The following ADARB2 variants were observed in gnomAD, a reference collection of about 807,000 sequenced individuals.
ADARB2 encodes the protein inactive double-stranded RNA-specific editase B2.
In ADARB2, 25 loss-of-function variants were observed where a neutral mutation model predicts 62.2. The ratio of observed to expected loss-of-function variants is 0.40; its 90% CI spans 0.29 to 0.56. The LOEUF (loss-of-function observed/expected upper bound fraction) is 0.56, where lower values mean the gene tolerates loss of function less well. Ranked by LOEUF, ADARB2 falls within the 20% of genes least tolerant of loss-of-function variation. The probability of loss-of-function intolerance (pLI) is 0.43; values close to 1 mark genes in which losing one functional copy is unlikely to be tolerated. For synonymous variants in ADARB2, 572 were observed against 500.8 expected (o/e 1.14, Z -1.90); for missense variants, 1,071 against 1,077.4 (o/e 0.99, Z 0.08).
chr10:1,541,256 G>T (rs1264677144), intron 1 of ADARB2, among the ~76,000 whole-genome samples: 3 of 28,992 alleles, frequency 1.0e-4, no homozygotes, highest in Admixed American at 3.9e-4. Flanking sequence ...CCACTCAGAC[G>T]CAGTTCAGAC....
chr10:1,242,377 C>T, intron 4 of ADARB2, 78 bp from the exon 5 acceptor site: 2 of 1,450,532 alleles, frequency 1.4e-6, no homozygotes, highest in Non-Finnish European at 1.8e-6. Flanking sequence ...CAGGGTCTCA[C>T]AACAGCGGTT....
In ADARB2 at chr10:1,218,767, G is replaced by A. The variant is rs1181914457; in HGVS notation, c.1514-1648C>T. On this transcript the variant is annotated intron_variant, in intron 6 of 9. Coordinates refer to ENST00000381312, the MANE Select transcript of ADARB2 (RefSeq NM_018702.4). ...CATTTAAAAGTGTGTGGCATCAGCCGGGCACGGTGGCTCACGCCTGTAATC... is the reference window on the plus strand; with the variant it reads ...CATTTAAAAGTGTGTGGCATCAGCCAGGCACGGTGGCTCACGCCTGTAATC... Among the ~76,000 whole-genome samples, 6 of 152,132 alleles carry A rather than the reference G, an allele frequency of 3.9e-5. No homozygotes were observed. In the East Asian group the frequency reaches 7.7e-4, roughly 20 times the overall value.
At chr10:1,676,174 T>A in intron 1 of ADARB2, 1 of 398,410 alleles carries the variant, frequency 2.5e-6, no homozygotes, top group Non-Finnish European at 3.4e-6. Context: ...AGTTAATCGG[T>A]AGTTGGGAAA....
At chr10:1,364,324 GCCC>G (rs142776111) in intron 2 of ADARB2, among the ~76,000 whole-genome samples, 1 of 152,056 alleles carries the variant, frequency 6.6e-6, no homozygotes. Context: ...GGTGCCCAAT[GCCC>G]CCCCAATACT....
At position 1,603,102 on chromosome 10, in the gene ADARB2, CACACACACCTAT is replaced by C. The variant is rs1265393284; in HGVS notation, c.100+133937_100+133948del. The stretch of plus-strand genomic sequence containing the variant: ...ACCTGTACACACATACACACATCAA[CACACACACCTAT>C]ACACACACACCTATACACACATAAA... On this transcript the variant is annotated intron_variant, in intron 1 of 9. Coordinates refer to ENST00000381312, the MANE Select transcript of ADARB2 (RefSeq NM_018702.4). Among the ~76,000 whole-genome samples, 419 of 148,646 alleles carry C rather than the reference CACACACACCTAT, an allele frequency of 2.8e-3. 2 individuals are homozygous for C. The highest frequency in any genetic ancestry group is 9.8e-3 in the African/African-American group (385 of 39,252).
At chr10:1,263,633 A>T (rs921486870) in intron 4 of ADARB2, among the ~76,000 whole-genome samples, 4 of 152,218 alleles carry the variant, frequency 2.6e-5, no homozygotes, top group Non-Finnish European at 5.9e-5. Flanking sequence ...CTAGACCTTG[A>T]GAGTGTAGCA....
At chr10:1,525,254 C>G (rs1459465644) in intron 1 of ADARB2, among the ~76,000 whole-genome samples, 2 of 152,118 alleles carry the variant, frequency 1.3e-5, no homozygotes, top group Non-Finnish European at 2.9e-5. Flanking sequence ...TGAGGTTACA[C>G]AAAGATTTCT....
chr10:1,717,660 C>A lies in ADARB2; in HGVS notation c.100+19391G>T, dbSNP rs181022574. 7.2e-5 allele frequency among the ~76,000 whole-genome samples: 11 copies of A among 152,030 alleles called. No individual in the cohort carries two copies. In the East Asian group the frequency reaches 2.1e-3, roughly 29 times the overall value. On this transcript the variant is annotated intron_variant, in intron 1 of 9. Coordinates refer to ENST00000381312, the MANE Select transcript of ADARB2 (RefSeq NM_018702.4). ...TGGCATGATCTCAGCCCACTGCAAC[C>A]TCCTCCTCCCGGGTTCAGGAGATTC...
intron 1 of ADARB2, among the ~76,000 whole-genome samples, chr10:1,639,520 T>C (rs1833953222): frequency 6.6e-6 from 1 of 152,168 alleles, no homozygotes; most frequent in Non-Finnish European, 1.5e-5. Flanking sequence ...TAAGAAAGCT[T>C]TGGGCTCCAA....
At chr10:1,603,363 G>C (rs1833454255) in intron 1 of ADARB2, among the ~76,000 whole-genome samples, 1 of 152,206 alleles carries the variant, frequency 6.6e-6, no homozygotes, top group African/African-American at 2.4e-5. Flanking sequence ...CCCGACCCTG[G>C]TAGTCGCTCC....
At chr10:1,643,309 C>T (rs1392549015) in intron 1 of ADARB2, among the ~76,000 whole-genome samples, 3 of 152,202 alleles carry the variant, frequency 2.0e-5, no homozygotes, top group Non-Finnish European at 1.5e-5. Context: ...TACAAAGTCT[C>T]TGCACCTATA....
intron 6 of ADARB2, among the ~76,000 whole-genome samples, chr10:1,222,443 G>C (rs781345990): frequency 6.7e-6 from 1 of 149,504 alleles, no homozygotes; most frequent in Non-Finnish European, 1.5e-5. Flanking sequence ...GTCAATCTTG[G>C]CTTTTGTTGC....
chr10:1,640,691 T>C (rs934102645), intron 1 of ADARB2, among the ~76,000 whole-genome samples: 1 of 152,182 alleles, frequency 6.6e-6, no homozygotes, highest in Admixed American at 6.5e-5. Flanking sequence ...CACACATAAA[T>C]GTCTATACAC....
At chr10:1,702,097 G>A (rs1834829596) in intron 1 of ADARB2, among the ~76,000 whole-genome samples, 1 of 152,236 alleles carries the variant, frequency 6.6e-6, no homozygotes. Flanking sequence ...CTGAAGATGA[G>A]GTGGAGGCTC....
At chr10:1,605,477 T>C (rs545380598) in intron 1 of ADARB2, among the ~76,000 whole-genome samples, 15 of 152,356 alleles carry the variant, frequency 9.8e-5, no homozygotes, top group Admixed American at 2.6e-4. Context: ...CTGAGAAGCC[T>C]GGATTTAGGA....
intron 1 of ADARB2, among the ~76,000 whole-genome samples, chr10:1,483,767 C>T (rs189675928): frequency 4.7e-4 from 34 of 72,244 alleles, no homozygotes; most frequent in African/African-American, 2.0e-3. Flanking sequence ...TGTAATACGA[C>T]GTTGTTTAGT....
intron 3 of ADARB2, among the ~76,000 whole-genome samples, chr10:1,359,882 G>A (rs556383245): frequency 3.3e-5 from 5 of 152,340 alleles, no homozygotes; most frequent in East Asian, 1.9e-4. Context: ...GCTCCTCAGC[G>A]GTGTCTAAAC....
chr10:1,662,499 C>G (rs535439058), intron 1 of ADARB2, among the ~76,000 whole-genome samples: 4 of 152,176 alleles, frequency 2.6e-5, no homozygotes, highest in Non-Finnish European at 5.9e-5. Context: ...AGTGCAGCCA[C>G]GTGGGCCCAG....
rs1832275602 is a variant in ADARB2 at position 1,363,063 on chromosome 10, C to T, written c.1042G>A (p.Ala348Thr). ...GGCGTCCTCCTGGCCCTGCCGGGCG[C>T]GTGGCCGGGCATCTGGATGTCGAAC... ...ELFDIQMPGH[A>T]PGRARRTPMP... The change falls in exon 3 of 10, where the codon GCG (alanine) becomes ACG (threonine). Residue 348 changes from alanine (A) to threonine (T), a missense_variant. Physicochemically the swap from Ala to Thr is moderately conservative, Grantham distance 58. Coordinates refer to ENST00000381312, the MANE Select transcript of ADARB2 (RefSeq NM_018702.4). The T allele has an allele frequency of 1.4e-6, 2 of 1,447,672 alleles. No individual in the cohort carries two copies. Among genetic ancestry groups the T allele is most frequent in the Non-Finnish European group, 9.1e-7 (1 of 1,102,124 alleles). The allele number at this position is 1,447,672 out of a possible 1,614,324, so 89.7% of individuals were successfully genotyped here.
Sources: gnomAD v4.1 joint callset for allele counts (sites outside exome capture counted in the v4.1 genomes callset) on GRCh38, gnomAD v4.1.1 for gene constraint, MANE v1.5 for transcripts, NCBI Gene and HGNC (gene_info 2026-07-23, HGNC 2026-07-21) for gene names.